Variants in NOP9 observed in about 807,000 individuals in gnomAD.
NOP9 encodes the protein nucleolar protein 9.
A neutral mutation model predicts 63.0 loss-of-function variants in NOP9; 50 were observed. The observed-to-expected ratio is 0.79, with a 90% CI of 0.63 to 1.00. NOP9 has a LOEUF of 1.00. Among genes scored for constraint, NOP9 ranks in the 50% least tolerant of loss-of-function variants. The pLI, the probability that NOP9 is intolerant of heterozygous loss-of-function variation, is 0.00. For missense variants in NOP9, 758 were observed against 803.0 expected (o/e 0.94, Z 0.68); for synonymous variants, 343 against 332.8 (o/e 1.03, Z -0.33).
chr14:24,301,983 T>C lies in NOP9; in HGVS notation c.827T>C (p.Ile276Thr), dbSNP rs1244722610. 1.2e-6 allele frequency: 2 copies of C among 1,613,940 alleles called. No individual in the cohort carries two copies. Among genetic ancestry groups the C allele is most frequent in the Non-Finnish European group, 1.7e-6 (2 of 1,179,964 alleles). Residue 276 changes from isoleucine (I) to threonine (T), a missense_variant, in exon 4 of 10, where the codon ATC becomes ACC. Transcript: ENST00000267425. ...TCCACAGTGTTTATCACTGATAAGA[T>C]CTCCAGCTTCTGTCTTCAAGTGGCT... is the stretch of plus-strand genomic sequence containing the variant. ...KDIAVFITDKISSFCLQVALQ... is the reference protein window; with the variant it reads ...KDIAVFITDKTSSFCLQVALQ...
chr14:24,296,948 A>G, upstream of NOP9: 6 of 1,605,008 alleles, frequency 3.7e-6, no homozygotes, highest in Non-Finnish European at 5.1e-6. Flanking sequence ...AAACTCCCCA[A>G]CCAAAGTGGG....
In NOP9 at chr14:24,304,989, G is replaced by A. The variant is rs987824861; in HGVS notation, c.1805G>A (p.Arg602Gln). 3 of 1,599,012 alleles carry A rather than the reference G, an allele frequency of 1.9e-6. No individual in the cohort carries two copies. Among genetic ancestry groups the A allele is most frequent in the Admixed American group, 1.8e-5 (1 of 56,478 alleles). The part of the protein sequence containing the change: ...IRDPFGHHVA[R>Q]NVALTTFLKR... ...GACCCTTTCGGCCACCATGTGGCTCGAAATGTGGCCTTGACTACCTTCCTA... is the reference window on the plus strand; with the variant it reads ...GACCCTTTCGGCCACCATGTGGCTCAAAATGTGGCCTTGACTACCTTCCTA... Residue 602 changes from arginine to glutamine, a missense_variant, in exon 10 of 10, where the codon CGA (arginine) becomes CAA (glutamine). By Grantham distance (43) the Arg-to-Gln change is conservative. Coordinates refer to ENST00000267425, the MANE Select transcript of NOP9 (RefSeq NM_174913.3).
In NOP9 at chr14:24,304,175, G is replaced by C. The variant is rs1442587844; in HGVS notation, c.1545G>C (p.Leu515=). 1.2e-6 allele frequency: 2 copies of C among 1,614,214 alleles called. No homozygotes were observed. Among genetic ancestry groups the C allele is most frequent in the South Asian group, 2.2e-5 (2 of 91,086 alleles). ...GTGCCTTGACGGGACCACAGCTTCTGTCCCTTGCCCAAAGTCCCGCTGGCT... is the reference window on the plus strand; with the variant it reads ...GTGCCTTGACGGGACCACAGCTTCTCTCCCTTGCCCAAAGTCCCGCTGGCT... The part of the protein sequence containing the change: ...SLGALTGPQL[L]SLAQSPAGSH... The change falls in exon 8 of 10, where the codon CTG becomes CTC. Residue 515 remains leucine (L), a synonymous_variant. Transcript: ENST00000267425.
chr14:24,305,844 T>A lies in NOP9; in HGVS notation c.*749T>A, dbSNP rs1412986615. On this transcript the variant is annotated 3_prime_UTR_variant, in exon 10 of 10. Transcript: ENST00000267425. ...CCATCAAGCTGGGAGATGAGGACTT[T>A]CCACAAGCAAGAGCTAACTAGGGGT... 1.3e-6 allele frequency: 2 copies of A among 1,589,900 alleles called. No homozygotes were observed.
In NOP9 at chr14:24,302,246, T is replaced by G. The variant is rs1472063962; in HGVS notation, c.965T>G (p.Phe322Cys). Residue 322 changes from phenylalanine to cysteine, a missense_variant, in exon 5 of 10, where the codon TTT (phenylalanine) becomes TGT (cysteine). Phe to Cys is a radical substitution (Grantham distance 205). Transcript: ENST00000267425. ...SSVDGSPLLLFLRDQTSSRLL... is the reference protein window; with the variant it reads ...SSVDGSPLLLCLRDQTSSRLL... ...CTTGTCCCTAGTCCCCTACTGCTATTTCTCCGAGATCAGACGAGTTCCAGA... is the reference window on the plus strand; with the variant it reads ...CTTGTCCCTAGTCCCCTACTGCTATGTCTCCGAGATCAGACGAGTTCCAGA... 2.5e-6 allele frequency: 4 copies of G among 1,612,172 alleles called. No homozygotes were observed. Among genetic ancestry groups the G allele is most frequent in the Non-Finnish European group, 3.4e-6 (4 of 1,178,456 alleles).
At chr14:24,288,354 A>G in the NOP9 span, among the ~76,000 whole-genome samples, 1 of 147,140 alleles carries the variant, frequency 6.8e-6, no homozygotes, top group Non-Finnish European at 1.5e-5. Flanking sequence ...GGAATTGACA[A>G]TTTTTTTTTT....
chr14:24,292,997 T>G, the NOP9 span: 1 of 539,930 alleles, frequency 1.9e-6, no homozygotes. Flanking sequence ...AACAGCAATC[T>G]TTGGAAGAAG....
chr14:24,276,963 G>A, the NOP9 span, among the ~76,000 whole-genome samples: 2 of 152,182 alleles, frequency 1.3e-5, no homozygotes, highest in Non-Finnish European at 2.9e-5. Flanking sequence ...AGGTAAATGT[G>A]GGGAAGGAGG....
chr14:24,276,689 T>G, the NOP9 span, among the ~76,000 whole-genome samples: 2 of 152,220 alleles, frequency 1.3e-5, no homozygotes, highest in African/African-American at 4.8e-5. Flanking sequence ...CAGGGGCCCA[T>G]GAGGGCCCAC....
In NOP9 at chr14:24,307,256, A is replaced by G; in HGVS notation, c.*2161A>G. 1 of 1,192,368 alleles carries G rather than the reference A, an allele frequency of 8.4e-7. No homozygotes were observed. The highest frequency in any genetic ancestry group is 1.5e-5 in the South Asian group (1 of 68,302). The allele number at this position is 1,192,368 out of a possible 1,614,324, so 73.9% of individuals were successfully genotyped here. On this transcript the variant is annotated 3_prime_UTR_variant, in exon 10 of 10. Coordinates refer to ENST00000267425, the MANE Select transcript of NOP9 (RefSeq NM_174913.3). ...GCCCACTCCGCTGCTTTTAGCCCTC[A>G]GAGGGAGGGGCAGCTGTGTGACTTC...
the NOP9 span, among the ~76,000 whole-genome samples, chr14:24,274,541 G>A: frequency 6.6e-6 from 1 of 152,014 alleles, no homozygotes; most frequent in African/African-American, 2.4e-5. Flanking sequence ...GGCAAAAGGA[G>A]TTGTCAGGAG....
At position 24,306,034 on chromosome 14, in the gene NOP9, A is replaced by T; in HGVS notation, c.*939A>T. The T allele has an allele frequency of 6.2e-7, 1 of 1,614,176 alleles. No homozygotes were observed. The highest frequency in any genetic ancestry group is 8.5e-7 in the Non-Finnish European group (1 of 1,180,028). Reference sequence around the variant, plus strand: ...TGTGGCTTTGACATTCAGGCTGCCAAAGAGGTCTCGAGGGTTTTGCTTGTA... The same window carrying T: ...TGTGGCTTTGACATTCAGGCTGCCATAGAGGTCTCGAGGGTTTTGCTTGTA... On this transcript the variant is annotated 3_prime_UTR_variant, in exon 10 of 10. Transcript: ENST00000267425.
the NOP9 span, among the ~76,000 whole-genome samples, chr14:24,281,664 G>C: frequency 1.3e-5 from 2 of 152,216 alleles, no homozygotes; most frequent in Non-Finnish European, 2.9e-5. Context: ...AGGAGGTTGA[G>C]ATGGGCCTGG....
At chr14:24,290,767 TA>T in the NOP9 span, 1 of 1,531,218 alleles carries the variant, frequency 6.5e-7, no homozygotes. Flanking sequence ...AGGGTATGGG[TA>T]AACAAGAAAG....
Position 24,308,309 on chromosome 14 carries a change from G to A in NOP9, c.*3214G>A, listed in dbSNP as rs2041584744. ...GGAGAAGCCATAAGCTGCAGCTTTA[G>A]GAAAAGGGAACCCGGGGCAGAGTGT... is the stretch of plus-strand genomic sequence containing the variant. On this transcript the variant is annotated 3_prime_UTR_variant, in exon 10 of 10. Coordinates refer to ENST00000267425, the MANE Select transcript of NOP9 (RefSeq NM_174913.3). 4.5e-6 allele frequency: 1 copy of A among 224,280 alleles called. No homozygotes were observed. The highest frequency in any genetic ancestry group is 2.3e-5 in the African/African-American group (1 of 43,984). 13.9% of individuals were successfully genotyped at this position (224,280 alleles called of 1,614,324 possible). A position where few individuals can be genotyped will look rare whatever the true frequency, so the allele number is the denominator to read the frequency against.
In NOP9 at chr14:24,305,575, T is replaced by G. The variant is rs773572023; in HGVS notation, c.*480T>G. The G allele has an allele frequency of 2.3e-5, 36 of 1,573,974 alleles. No homozygotes were observed. The highest frequency in any genetic ancestry group is 2.9e-5 in the Non-Finnish European group (34 of 1,161,860). ...CTGCAGGTCCTGAAATTTGATGCTG[T>G]CATAGTCTTTGCAGTGGGTCGGTTG... On this transcript the variant is annotated 3_prime_UTR_variant, in exon 10 of 10. Transcript: ENST00000267425.
Position 24,300,535 on chromosome 14 carries a change from G to A in NOP9, c.375G>A (p.Val125=), listed in dbSNP as rs1243561601. 2 of 1,614,252 alleles carry A rather than the reference G, an allele frequency of 1.2e-6. No homozygotes were observed. Among genetic ancestry groups the A allele is most frequent in the Non-Finnish European group, 1.7e-6 (2 of 1,180,040 alleles). ...GFSPLKPLCR[V]WAALRSNLRT... ...GTCCCTTGAAACCGCTTTGTCGCGT[G>A]TGGGCTGCTCTGCGCTCTAACTTGC... The change falls in exon 2 of 10, where the codon GTG becomes GTA. Residue 125 remains valine, a synonymous_variant. Coordinates refer to ENST00000267425, the MANE Select transcript of NOP9 (RefSeq NM_174913.3).
the NOP9 span, among the ~76,000 whole-genome samples, chr14:24,273,968 A>G: frequency 6.6e-6 from 1 of 152,228 alleles, no homozygotes; most frequent in Non-Finnish European, 1.5e-5. Context: ...ATCTATGTAA[A>G]GTGCTTAGAA....
At chr14:24,271,268 G>T in the NOP9 span, 2 of 976,556 alleles carry the variant, frequency 2.0e-6, no homozygotes, top group Non-Finnish European at 2.9e-6. Context: ...GACCCCCAGA[G>T]TGTAAAGAGG....
Sources: allele counts gnomAD v4.1 joint callset (sites outside exome capture counted in the v4.1 genomes callset), GRCh38; gene constraint gnomAD v4.1.1; transcripts MANE v1.5; gene names NCBI Gene and HGNC (gene_info 2026-07-23, HGNC 2026-07-21).